ANK2: variants seen among roughly 807,000 people sequenced by gnomAD.
ANK2 encodes the protein ankyrin-2.
Under a neutral mutation model 360.5 loss-of-function variants are expected in ANK2, and 83 were observed. The observed-to-expected ratio is 0.23, with a 90% CI of 0.19 to 0.28. The LOEUF is 0.28. Ranked by LOEUF, ANK2 falls within the 10% of genes least tolerant of loss-of-function variation. The probability of loss-of-function intolerance (pLI) is 1.00; values close to 1 mark genes in which losing one functional copy is unlikely to be tolerated. For synonymous variants in ANK2, 1,740 were observed against 1,759.5 expected, an observed-to-expected ratio of 0.99 and a Z score of 0.28; for missense variants, 4,201 against 4,795.7, an observed-to-expected ratio of 0.88 and a Z score of 3.66.
chr4:113,357,968 T>C lies in ANK2; in HGVS notation c.9350T>C (p.Ile3117Thr). The change falls in exon 38 of 46, where the codon ATT becomes ACT. Residue 3117 changes from isoleucine to threonine, a missense_variant. Ile to Thr is a moderately conservative substitution (Grantham distance 89). Coordinates refer to ENST00000357077, the MANE Select transcript of ANK2 (RefSeq NM_001148.6). ...TTTGAAATGACCCGAAGTGGTGCCA[T>C]TGATATGACCAAAAGGTCCTATGCA... ...KLFEMTRSGAIDMTKRSYADE... is the reference protein window; with the variant it reads ...KLFEMTRSGATDMTKRSYADE... The C allele has an allele frequency of 6.2e-7, 1 of 1,614,044 alleles. No individual in the cohort carries two copies. Among genetic ancestry groups the C allele is most frequent in the Non-Finnish European group, 8.5e-7 (1 of 1,179,970 alleles).
intron 2 of ANK2, among the ~76,000 whole-genome samples, chr4:113,005,682 G>T (rs13124501): frequency 2.0e-5 from 3 of 151,982 alleles, no homozygotes; most frequent in African/African-American, 4.8e-5. Flanking sequence ...AGTAGACTAG[G>T]GTAATATGAT....
chr4:113,221,804 A>G (rs1001060456), intron 4 of ANK2, among the ~76,000 whole-genome samples: 1 of 152,232 alleles, frequency 6.6e-6, no homozygotes, highest in South Asian at 2.1e-4. Context: ...AAACATGCAA[A>G]ATAGTTCAAA....
the ANK2 span, among the ~76,000 whole-genome samples, chr4:112,718,265 A>T: frequency 6.6e-6 from 1 of 152,316 alleles, no homozygotes; most frequent in Admixed American, 6.5e-5. Context: ...GGAGACAAGG[A>T]TGCTTTAGTT....
chr4:112,869,364 A>C (rs2071947049), intron 1 of ANK2, among the ~76,000 whole-genome samples: 1 of 152,036 alleles, frequency 6.6e-6, no homozygotes, highest in Admixed American at 6.6e-5. Flanking sequence ...TGCAACCTCC[A>C]CCACCTGGGC....
chr4:113,101,255 G>A (rs890286770), intron 1 of ANK2, among the ~76,000 whole-genome samples: 1 of 152,068 alleles, frequency 6.6e-6, no homozygotes, highest in Non-Finnish European at 1.5e-5. Flanking sequence ...ATATGTAAAT[G>A]TATCATAATT....
the ANK2 span, among the ~76,000 whole-genome samples, chr4:112,779,848 C>T: frequency 1.6e-4 from 24 of 152,162 alleles, no homozygotes; most frequent in African/African-American, 5.3e-4. Flanking sequence ...GGGTTTCTTG[C>T]AGGGCATCAT....
At chr4:112,775,745 G>A in the ANK2 span, among the ~76,000 whole-genome samples, 2 of 152,046 alleles carry the variant, frequency 1.3e-5, no homozygotes, top group Non-Finnish European at 2.9e-5. Flanking sequence ...CCAACCTAGC[G>A]GACATGAGAA....
intron 18 of ANK2, among the ~76,000 whole-genome samples, chr4:113,287,155 G>GT (rs2065064906): frequency 6.6e-6 from 1 of 152,128 alleles, no homozygotes; most frequent in South Asian, 2.1e-4. Context: ...CTCATTTCCT[G>GT]TAACTGTCCA....
chr4:113,089,465 CTAAGA>C (rs1417812165), intron 1 of ANK2, among the ~76,000 whole-genome samples: 1 of 152,108 alleles, frequency 6.6e-6, no homozygotes, highest in Non-Finnish European at 1.5e-5. Flanking sequence ...CCTTTATAAT[CTAAGA>C]TGTTACTATG....
intron 14 of ANK2, among the ~76,000 whole-genome samples, chr4:113,271,269 T>C (rs1044232894): frequency 6.6e-6 from 1 of 152,198 alleles, no homozygotes; most frequent in East Asian, 1.9e-4. Context: ...CTTGGGCTCA[T>C]GCGCATTCAT....
chr4:113,354,742 G>T lies in ANK2; in HGVS notation c.6124G>T (p.Ala2042Ser). 2 of 1,613,612 alleles carry T rather than the reference G, an allele frequency of 1.2e-6. No homozygotes were observed. Among genetic ancestry groups the T allele is most frequent in the Non-Finnish European group, 1.7e-6 (2 of 1,179,924 alleles). The change falls in exon 38 of 46, where the codon GCT (alanine) becomes TCT (serine). Residue 2042 changes from alanine (A) to serine (S), a missense_variant. Ala to Ser is a moderately conservative substitution (Grantham distance 99). Around this residue, in one of 4 missense-constraint regions of ANK2, gnomAD observed 2,642 missense variants for 2,714.5 expected, o/e 0.97. Transcript: ENST00000357077. ...EKGPILTQRE[A>S]QKTENQTIKR... ...GGGGCCGATACTAACCCAGAGAGAA[G>T]CTCAGAAAACAGAGAATCAGACAAT...
intron 1 of ANK2, among the ~76,000 whole-genome samples, chr4:113,143,334 G>A (rs1223395074): frequency 2.8e-5 from 1 of 35,702 alleles, no homozygotes; most frequent in Non-Finnish European, 5.7e-5. Context: ...GAGACAGAAA[G>A]ATGCCAGGAA....
chr4:113,049,649 C>T, upstream of ANK2: 1 of 1,565,208 alleles, frequency 6.4e-7, no homozygotes, highest in South Asian at 1.2e-5. Context: ...TGCTTTCCTC[C>T]AGTAAGTGCA....
intron 2 of ANK2, among the ~76,000 whole-genome samples, chr4:113,023,798 T>C (rs2058677095): frequency 6.6e-6 from 1 of 152,242 alleles, no homozygotes; most frequent in East Asian, 1.9e-4. Flanking sequence ...GGATGCTTCA[T>C]AAATAATTGA....
At chr4:112,958,464 T>C (rs558592592) in intron 2 of ANK2, among the ~76,000 whole-genome samples, 7,149 of 151,924 alleles carry the variant, frequency 0.047, 546 homozygotes, top group African/African-American at 0.16. Context: ...CGTGGCGGCG[T>C]GCGCCTGCAA....
chr4:113,329,251 C>T (rs1231292451), intron 26 of ANK2, among the ~76,000 whole-genome samples: 1 of 152,144 alleles, frequency 6.6e-6, no homozygotes, highest in African/African-American at 2.4e-5. Context: ...AAATGACAAG[C>T]ATTCAAATTA....
chr4:113,373,049 G>A (rs779001714), intron 43 of ANK2, 41 bp from the exon 44 acceptor site: 3 of 1,537,690 alleles, frequency 2.0e-6, no homozygotes, highest in Admixed American at 3.3e-5. Flanking sequence ...CTCAGAATTG[G>A]TGCCAAACAC....
At chr4:113,309,971 G>A (rs1290943455) in intron 23 of ANK2, among the ~76,000 whole-genome samples, 1 of 152,184 alleles carries the variant, frequency 6.6e-6, no homozygotes, top group African/African-American at 2.4e-5. Flanking sequence ...TGATTTGCAT[G>A]TTCTACCTGA....
intron 1 of ANK2, among the ~76,000 whole-genome samples, chr4:112,841,427 G>A (rs1318907672): frequency 3.7e-5 from 2 of 54,128 alleles, no homozygotes; most frequent in Admixed American, 1.8e-4. Flanking sequence ...GCTTCCAACA[G>A]GGAGAGTTAT....
Sources: gnomAD v4.1 joint callset for allele counts (sites outside exome capture counted in the v4.1 genomes callset) on GRCh38, gnomAD v4.1.1 for gene constraint, gnomAD v4.1.1 regional missense constraint, MANE v1.5 for transcripts, NCBI Gene and HGNC (gene_info 2026-07-23, HGNC 2026-07-21) for gene names.